LARGE1: variants seen among roughly 807,000 people sequenced by gnomAD.
LARGE1 encodes the protein xylosyl- and glucuronyltransferase LARGE1.
LARGE1 carries 43 observed loss-of-function variants against 87.6 expected under a neutral mutation model. The observed-to-expected ratio is 0.49, with a 90% confidence interval of 0.38 to 0.63. LARGE1 has a LOEUF of 0.63. LARGE1 is among the 30% of genes least tolerant of loss of function. The pLI is 0.00. For missense variants in LARGE1, 802 were observed against 1,000.2 expected (o/e 0.80, Z 2.67); for synonymous variants, 434 against 394.6 (o/e 1.10, Z -1.18).
intron 6 of LARGE1, among the ~76,000 whole-genome samples, chr22:33,531,614 C>T (rs1027853300): frequency 1.3e-5 from 2 of 152,220 alleles, no homozygotes; most frequent in East Asian, 3.8e-4. Context: ...GAATATGTTG[C>T]ACCGATGCTG....
At chr22:33,671,909 T>C (rs1178852092) in intron 2 of LARGE1, among the ~76,000 whole-genome samples, 1 of 152,326 alleles carries the variant, frequency 6.6e-6, no homozygotes, top group Admixed American at 6.5e-5. Context: ...TACTTGACAA[T>C]AAAGAATACT....
At chr22:33,079,218 ATTCT>A in the LARGE1 span, among the ~76,000 whole-genome samples, 1 of 134,748 alleles carries the variant, frequency 7.4e-6, no homozygotes, top group Non-Finnish European at 1.6e-5. Context: ...TCTAGTTATC[ATTCT>A]TTTTTTTTTT....
At chr22:33,846,281 C>T (rs1160779876) in intron 1 of LARGE1, among the ~76,000 whole-genome samples, 1 of 152,196 alleles carries the variant, frequency 6.6e-6, no homozygotes, top group Non-Finnish European at 1.5e-5. Context: ...ATTTCTTATG[C>T]CTGTCTTTAC....
chr22:33,678,967 TAG>T (rs969924037), intron 2 of LARGE1, among the ~76,000 whole-genome samples: 12 of 152,224 alleles, frequency 7.9e-5, no homozygotes, highest in African/African-American at 2.9e-4. Context: ...GAATTAACCT[TAG>T]AGCTTTGTAT....
chr22:33,705,644 C>T (rs1456758057), intron 2 of LARGE1, among the ~76,000 whole-genome samples: 2 of 152,156 alleles, frequency 1.3e-5, no homozygotes, highest in African/African-American at 2.4e-5. Flanking sequence ...AATTTAAGTC[C>T]CTAGAATCTT....
At chr22:33,883,225 A>C (rs2146773587) in intron 1 of LARGE1, among the ~76,000 whole-genome samples, 2 of 152,286 alleles carry the variant, frequency 1.3e-5, no homozygotes, top group Middle Eastern at 3.4e-3. Context: ...CTGCTTTGCA[A>C]GCAGGGTGAT....
At chr22:33,407,017 T>C (rs771156898) in intron 7 of LARGE1, among the ~76,000 whole-genome samples, 3 of 152,262 alleles carry the variant, frequency 2.0e-5, no homozygotes, top group Admixed American at 6.5e-5. Flanking sequence ...GGTTTTGAAC[T>C]CTTGACCTCA....
chr22:33,465,989 T>A (rs1019392327), intron 6 of LARGE1, among the ~76,000 whole-genome samples: 2 of 152,156 alleles, frequency 1.3e-5, no homozygotes, highest in Non-Finnish European at 2.9e-5. Flanking sequence ...AGTTCCCTAC[T>A]CGAAAAGTCT....
chr22:33,837,291 C>A (rs1374305362), intron 1 of LARGE1, among the ~76,000 whole-genome samples: 2 of 151,560 alleles, frequency 1.3e-5, no homozygotes, highest in African/African-American at 4.9e-5. Flanking sequence ...CCTATACATA[C>A]ATACATATGT....
chr22:33,844,446 T>C (rs1430621206), intron 1 of LARGE1, among the ~76,000 whole-genome samples: 1 of 152,142 alleles, frequency 6.6e-6, no homozygotes, highest in Non-Finnish European at 1.5e-5. Flanking sequence ...TTTCGGTGCT[T>C]TGAACACAGG....
intron 2 of LARGE1, among the ~76,000 whole-genome samples, chr22:33,679,093 T>A (rs902913873): frequency 6.6e-6 from 1 of 152,252 alleles, no homozygotes; most frequent in Non-Finnish European, 1.5e-5. Context: ...TATCTATCTC[T>A]GCCATTAAAA....
At chr22:33,466,464 G>T (rs1161418332) in intron 6 of LARGE1, among the ~76,000 whole-genome samples, 1 of 150,506 alleles carries the variant, frequency 6.6e-6, no homozygotes, top group Non-Finnish European at 1.5e-5. Context: ...TGGGAATATA[G>T]TAAGTGCTCA....
chr22:33,287,427 A>T (rs2145939823), intron 12 of LARGE1, among the ~76,000 whole-genome samples: 1 of 152,366 alleles, frequency 6.6e-6, no homozygotes, highest in South Asian at 2.1e-4. Context: ...ACAAACTGCC[A>T]CAAAGATGGA....
chr22:33,906,145 G>C (rs534885735), intron 1 of LARGE1, among the ~76,000 whole-genome samples: 1 of 151,758 alleles, frequency 6.6e-6, no homozygotes, highest in Admixed American at 6.6e-5. Context: ...TAAATAAATT[G>C]ATTAATTAAA....
intron 12 of LARGE1, among the ~76,000 whole-genome samples, chr22:33,303,397 G>C (rs1232544286): frequency 6.6e-6 from 1 of 152,144 alleles, no homozygotes; most frequent in Non-Finnish European, 1.5e-5. Context: ...TCCCCATTTA[G>C]AAAAGGAAGG....
At chr22:33,727,605 T>C (rs929187828) in intron 2 of LARGE1, 1 of 152,210 alleles carries the variant, frequency 6.6e-6, no homozygotes, top group Admixed American at 6.5e-5. Flanking sequence ...TAGCACAAAT[T>C]CACATTTGCT....
chr22:33,324,476 A>G (rs1449877690), intron 10 of LARGE1, among the ~76,000 whole-genome samples: 1 of 152,086 alleles, frequency 6.6e-6, no homozygotes, highest in African/African-American at 2.4e-5. Context: ...GCTCCTGACA[A>G]GGGAGGCACA....
intron 3 of LARGE1, among the ~76,000 whole-genome samples, chr22:33,645,640 A>T (rs571841414): frequency 1.3e-5 from 2 of 152,224 alleles, no homozygotes; most frequent in Non-Finnish European, 2.9e-5. Context: ...AGAAACTATC[A>T]TCAGAGTAAA....
the LARGE1 span, among the ~76,000 whole-genome samples, chr22:33,126,466 A>G: frequency 7.2e-5 from 11 of 152,258 alleles, no homozygotes; most frequent in African/African-American, 2.6e-4. Context: ...TGTATCGTGC[A>G]TTGCTATTTT....
Sources: allele counts gnomAD v4.1 joint callset (sites outside exome capture counted in the v4.1 genomes callset), GRCh38; gene constraint gnomAD v4.1.1; transcripts MANE v1.5; gene names NCBI Gene and HGNC (gene_info 2026-07-23, HGNC 2026-07-21).